Variants in CNTLN observed in about 807,000 individuals in gnomAD.
CNTLN encodes centlein, also known as centlein, centrosomal protein.
In CNTLN, 212 loss-of-function variants were observed where a neutral mutation model predicts 180.0. That is an observed-to-expected ratio of 1.18 (90% confidence interval 1.05 to 1.32). The LOEUF (loss-of-function observed/expected upper bound fraction) is 1.32, where lower values mean the gene tolerates loss of function less well. Ranked by LOEUF, CNTLN falls within the 40% of genes most tolerant of loss-of-function variation. The pLI is 0.00. For missense variants in CNTLN, 2,095 were observed against 1,610.9 expected, an observed-to-expected ratio of 1.30 and a Z score of -5.14; for synonymous variants, 722 against 563.1, an observed-to-expected ratio of 1.28 and a Z score of -3.99.
At chr9:17,178,856 T>C (rs1390751770) in intron 2 of CNTLN, among the ~76,000 whole-genome samples, 1 of 152,094 alleles carries the variant, frequency 6.6e-6, no homozygotes, top group African/African-American at 2.4e-5. Context: ...GCTGAAGGGC[T>C]CCTGAAGCGT....
intron 15 of CNTLN, among the ~76,000 whole-genome samples, chr9:17,401,100 G>T (rs1381592556): frequency 6.6e-6 from 1 of 152,082 alleles, no homozygotes; most frequent in Non-Finnish European, 1.5e-5. Flanking sequence ...TCTGAAAATA[G>T]CAATCTTGCT....
chr9:17,342,459 T>C lies in CNTLN; in HGVS notation c.1886+15T>C. 1 of 1,593,888 alleles carries C rather than the reference T, an allele frequency of 6.3e-7. No homozygotes were observed. Among genetic ancestry groups the C allele is most frequent in the Non-Finnish European group, 8.5e-7 (1 of 1,173,646 alleles). On this transcript the variant is annotated intron_variant, in intron 12 of 25. Coordinates refer to ENST00000380647, the MANE Select transcript of CNTLN (RefSeq NM_017738.4). ...ATGATTCAAAAGTGAGTTTCATTTT[T>C]AACAATATGGACTTAGATAAAATAC... is the stretch of plus-strand genomic sequence containing the variant.
At chr9:17,212,087 CTA>C (rs1356630007) in intron 2 of CNTLN, among the ~76,000 whole-genome samples, 1 of 152,146 alleles carries the variant, frequency 6.6e-6, no homozygotes, top group Non-Finnish European at 1.5e-5. Flanking sequence ...ATTTCCAAGA[CTA>C]TGTTGAATAG....
chr9:17,215,647 G>A (rs1823692308), intron 2 of CNTLN, among the ~76,000 whole-genome samples: 1 of 152,122 alleles, frequency 6.6e-6, no homozygotes, highest in African/African-American at 2.4e-5. Flanking sequence ...CCTGCCCCCA[G>A]GGGTGGAGTC....
intron 5 of CNTLN, among the ~76,000 whole-genome samples, chr9:17,242,962 G>T (rs1314665342): frequency 6.6e-6 from 1 of 152,096 alleles, no homozygotes; most frequent in African/African-American, 2.4e-5. Context: ...CAGCGGTGAA[G>T]CTGGGAGATG....
chr9:17,386,613 G>T (rs916360864), intron 13 of CNTLN, among the ~76,000 whole-genome samples: 1 of 152,084 alleles, frequency 6.6e-6, no homozygotes, highest in Non-Finnish European at 1.5e-5. Context: ...TGAGCGTTCT[G>T]TATAAACCGG....
chr9:17,313,258 A>T (rs749677991), intron 8 of CNTLN, among the ~76,000 whole-genome samples: 1 of 152,116 alleles, frequency 6.6e-6, no homozygotes, highest in Non-Finnish European at 1.5e-5. Flanking sequence ...CCATTCTGAC[A>T]ATTTCTTCCT....
chr9:17,247,490 A>C (rs1167105708), intron 5 of CNTLN, among the ~76,000 whole-genome samples: 1 of 152,152 alleles, frequency 6.6e-6, no homozygotes, highest in Admixed American at 6.5e-5. Context: ...TGCACCATGC[A>C]GCTACTGTTG....
intron 5 of CNTLN, among the ~76,000 whole-genome samples, chr9:17,247,636 T>C (rs930219184): frequency 2.6e-5 from 4 of 152,202 alleles, no homozygotes; most frequent in Admixed American, 2.6e-4. Context: ...AAGGTACTTT[T>C]TTGTGTGTGG....
intron 3 of CNTLN, among the ~76,000 whole-genome samples, chr9:17,226,536 CTAT>C (rs1216179515): frequency 1.3e-5 from 2 of 151,678 alleles, no homozygotes; most frequent in Non-Finnish European, 2.9e-5. Context: ...TAGTATCTAG[CTAT>C]TATTCTTTAT....
chr9:17,269,668 C>T (rs1827791757), intron 5 of CNTLN, among the ~76,000 whole-genome samples: 5 of 151,906 alleles, frequency 3.3e-5, no homozygotes. Flanking sequence ...AATTGTTGAG[C>T]CTTGTTTTAT....
At chr9:17,159,340 C>T (rs1476494434) in intron 2 of CNTLN, among the ~76,000 whole-genome samples, 4 of 152,132 alleles carry the variant, frequency 2.6e-5, no homozygotes. Context: ...GTCTCTGAGT[C>T]AGGCCTCTGG....
intron 8 of CNTLN, among the ~76,000 whole-genome samples, chr9:17,326,017 A>G (rs1334996531): frequency 6.6e-6 from 1 of 152,102 alleles, no homozygotes; most frequent in Admixed American, 6.6e-5. Flanking sequence ...AATTTAAAAA[A>G]TAGTAATTTG....
rs1833822776 is a variant in CNTLN, at chr9:17,502,796, T to A, written c.*144T>A. The A allele has an allele frequency of 7.4e-6, 3 of 405,646 alleles. No homozygotes were observed. The highest frequency in any genetic ancestry group is 4.6e-4 in the Middle Eastern group (1 of 2,154). 25.1% of individuals were successfully genotyped at this position (405,646 alleles called of 1,614,324 possible). ...CAAAATAAGAAGTCTCTGAAAATAA[T>A]TAATTGCTGAACAAGTGAAACTAAT... On this transcript the variant is annotated 3_prime_UTR_variant, in exon 26 of 26. Transcript: ENST00000380647.
At chr9:17,433,459 AT>A (rs1829552379) in intron 18 of CNTLN, among the ~76,000 whole-genome samples, 1 of 151,040 alleles carries the variant, frequency 6.6e-6, no homozygotes, top group African/African-American at 2.4e-5. Flanking sequence ...TAATTTTTGT[AT>A]TTTTTAGTAG....
intron 6 of CNTLN, among the ~76,000 whole-genome samples, chr9:17,295,784 C>A (rs910660878): frequency 3.9e-5 from 6 of 152,028 alleles, no homozygotes; most frequent in African/African-American, 1.5e-4. Flanking sequence ...CTTGTACTTT[C>A]CCGAGGGTTG....
chr9:17,507,659 TG>T (rs750647578), downstream of CNTLN, among the ~76,000 whole-genome samples: 7 of 152,202 alleles, frequency 4.6e-5, no homozygotes, highest in Non-Finnish European at 1.0e-4. Flanking sequence ...ATGACTTTTT[TG>T]TTGCCTGTGA....
intron 19 of CNTLN, among the ~76,000 whole-genome samples, chr9:17,461,613 A>G (rs952751732): frequency 1.3e-5 from 2 of 151,784 alleles, no homozygotes; most frequent in Admixed American, 6.6e-5. Flanking sequence ...TAATAGTTTA[A>G]TCTTTTCAAA....
At chr9:17,485,981 T>G (rs1420154579) in intron 24 of CNTLN, among the ~76,000 whole-genome samples, 1 of 152,122 alleles carries the variant, frequency 6.6e-6, no homozygotes, top group Non-Finnish European at 1.5e-5. Flanking sequence ...AGGTGGAATC[T>G]GAAGACAAGA....
Sources: gnomAD v4.1 joint callset for allele counts (sites outside exome capture counted in the v4.1 genomes callset) on GRCh38, gnomAD v4.1.1 for gene constraint, MANE v1.5 for transcripts, NCBI Gene and HGNC (gene_info 2026-07-23, HGNC 2026-07-21) for gene names.